Variants in NLRP14 observed in about 807,000 individuals in gnomAD.
NLRP14 encodes the protein NACHT, LRR and PYD domains-containing protein 14.
NLRP14 carries 105 observed loss-of-function variants against 94.7 expected under a neutral mutation model. That is an observed-to-expected ratio of 1.11 (90% CI 0.95 to 1.30). The LOEUF is 1.30. NLRP14 is among the 50% of genes most tolerant of loss of function. The pLI, the probability that NLRP14 is intolerant of heterozygous loss-of-function variation, is 0.00. For synonymous variants in NLRP14, 508 were observed against 459.9 expected, an observed-to-expected ratio of 1.10 and a Z score of -1.34; for missense variants, 1,362 against 1,254.1, an observed-to-expected ratio of 1.09 and a Z score of -1.30.
rs753831733 is a variant in NLRP14, at chr11:7,043,492, C to G, written c.1466C>G (p.Ala489Gly). Residue 489 changes from alanine (A) to glycine (G), a missense_variant, in exon 4 of 12, where the codon GCT becomes GGT. Ala to Gly is a moderately conservative substitution (Grantham distance 60, BLOSUM62 0). Coordinates refer to ENST00000299481, the MANE Select transcript of NLRP14 (RefSeq NM_176822.4). ...CTTCATGTTCAGGAGTTTTTTGCAG[C>G]TATGTTCTATATGTTGAAAGGCAGT... is the stretch of plus-strand genomic sequence containing the variant. ...THLHVQEFFA[A>G]MFYMLKGSWE... 5.6e-6 allele frequency: 9 copies of G among 1,614,122 alleles called. No individual in the cohort carries two copies. The highest frequency in any genetic ancestry group is 1.7e-5 in the Admixed American group (1 of 60,016).
At chr11:7,057,129 T>G (rs1852527737) in intron 6 of NLRP14, among the ~76,000 whole-genome samples, 1 of 152,056 alleles carries the variant, frequency 6.6e-6, no homozygotes, top group Admixed American at 6.6e-5. Flanking sequence ...AATATGAGTC[T>G]CTCTACATGT....
chr11:7,031,321 GT>G (rs1852092014), intron 1 of NLRP14, among the ~76,000 whole-genome samples: 1 of 152,170 alleles, frequency 6.6e-6, no homozygotes. Flanking sequence ...TCCACATTCT[GT>G]GTGGAAAATG....
intron 1 of NLRP14, among the ~76,000 whole-genome samples, chr11:7,031,110 C>T (rs148736848): frequency 1.3e-5 from 2 of 152,324 alleles, no homozygotes; most frequent in East Asian, 1.9e-4. Flanking sequence ...CATTAAGGGC[C>T]AGAGTGCGTT....
chr11:7,075,130 C>T (rs1852859111), downstream of NLRP14, among the ~76,000 whole-genome samples: 1 of 152,140 alleles, frequency 6.6e-6, no homozygotes, highest in Non-Finnish European at 1.5e-5. Context: ...CCTCCCGTCT[C>T]TCCTGACATG....
At chr11:7,083,895 T>C in the NLRP14 span, among the ~76,000 whole-genome samples, 1 of 152,224 alleles carries the variant, frequency 6.6e-6, no homozygotes, top group Non-Finnish European at 1.5e-5. Flanking sequence ...ATGCCTTTAA[T>C]AGGCAGTTTT....
the NLRP14 span, among the ~76,000 whole-genome samples, chr11:7,086,350 T>G: frequency 2.0e-5 from 3 of 152,242 alleles, no homozygotes; most frequent in Non-Finnish European, 4.4e-5. Flanking sequence ...CACTTCAAAG[T>G]ACCTGTAGTT....
intron 10 of NLRP14, among the ~76,000 whole-genome samples, chr11:7,063,467 G>C (rs1355115407): frequency 1.3e-5 from 2 of 152,068 alleles, no homozygotes; most frequent in Non-Finnish European, 2.9e-5. Context: ...TAAGCCTGCT[G>C]TTTGTCCCTC....
chr11:7,084,236 G>C, the NLRP14 span, among the ~76,000 whole-genome samples: 1 of 152,200 alleles, frequency 6.6e-6, no homozygotes, highest in African/African-American at 2.4e-5. Flanking sequence ...CTGGGGAAAA[G>C]AGTCTACCTG....
chr11:7,067,540 A>G (rs1852722644), intron 10 of NLRP14, among the ~76,000 whole-genome samples: 1 of 152,158 alleles, frequency 6.6e-6, no homozygotes, highest in Admixed American at 6.5e-5. Flanking sequence ...ATTTTTGCAC[A>G]TTGATTTTGT....
chr11:7,025,602 CAG>C (rs1317458464), intron 1 of NLRP14, among the ~76,000 whole-genome samples: 1 of 152,130 alleles, frequency 6.6e-6, no homozygotes, highest in Non-Finnish European at 1.5e-5. Context: ...AAGAAACTCT[CAG>C]AGTCACTCAA....
At chr11:7,023,955 G>A (rs762588794) in intron 1 of NLRP14, among the ~76,000 whole-genome samples, 1 of 152,004 alleles carries the variant, frequency 6.6e-6, no homozygotes, top group African/African-American at 2.4e-5. Flanking sequence ...CACCCACCAG[G>A]CCCCACCTCC....
chr11:7,079,298 T>C, the NLRP14 span, among the ~76,000 whole-genome samples: 1 of 152,184 alleles, frequency 6.6e-6, no homozygotes, highest in South Asian at 2.1e-4. Flanking sequence ...AGTAAGATAC[T>C]CTGTAGAGAA....
At chr11:7,079,946 G>C in the NLRP14 span, among the ~76,000 whole-genome samples, 1 of 152,160 alleles carries the variant, frequency 6.6e-6, no homozygotes, top group Non-Finnish European at 1.5e-5. Flanking sequence ...AAGCCATTGC[G>C]ATAGGAGGGG....
chr11:7,056,729 G>A (rs1852521369), intron 6 of NLRP14, among the ~76,000 whole-genome samples: 1 of 151,746 alleles, frequency 6.6e-6, no homozygotes, highest in Admixed American at 6.6e-5. Context: ...CCATCAAAAG[G>A]TGAATGGATA....
At chr11:7,024,722 TA>T (rs764318266) in intron 1 of NLRP14, among the ~76,000 whole-genome samples, 22 of 152,172 alleles carry the variant, frequency 1.4e-4, no homozygotes, top group Non-Finnish European at 2.4e-4. Context: ...CTAATAAGCT[TA>T]GAACATTTGT....
intron 1 of NLRP14, among the ~76,000 whole-genome samples, chr11:7,029,436 A>G (rs1852060767): frequency 6.6e-6 from 1 of 152,220 alleles, no homozygotes; most frequent in Non-Finnish European, 1.5e-5. Context: ...CTCTGAAGAA[A>G]TAACACTTCC....
intron 1 of NLRP14, among the ~76,000 whole-genome samples, chr11:7,031,295 G>T (rs1413537060): frequency 6.6e-6 from 1 of 152,302 alleles, no homozygotes; most frequent in African/African-American, 2.4e-5. Flanking sequence ...TGGGTTCTGT[G>T]CGAGTCCATC....
intron 1 of NLRP14, among the ~76,000 whole-genome samples, chr11:7,031,571 G>A (rs1017183770): frequency 6.6e-5 from 10 of 152,154 alleles, no homozygotes; most frequent in Non-Finnish European, 1.2e-4. Context: ...GGCACTGCGT[G>A]CAGTGCCCGC....
the NLRP14 span, among the ~76,000 whole-genome samples, chr11:7,078,796 A>T: frequency 5.3e-3 from 811 of 152,280 alleles, 3 homozygotes; most frequent in African/African-American, 0.013. Context: ...CTCAAAAAAA[A>T]AATTGATTAA....
Sources: allele counts gnomAD v4.1 joint callset (sites outside exome capture counted in the v4.1 genomes callset), GRCh38; gene constraint gnomAD v4.1.1; transcripts MANE v1.5; gene names NCBI Gene and HGNC (gene_info 2026-07-23, HGNC 2026-07-21).